The following SLIT2 variants were observed in gnomAD, a reference collection of about 807,000 sequenced individuals.
The protein encoded by SLIT2 is slit guidance ligand 2.
In SLIT2, 41 loss-of-function variants were observed where a neutral mutation model predicts 185.7. The ratio of observed to expected loss-of-function variants is 0.22; its 90% CI spans 0.17 to 0.29. SLIT2 has a LOEUF of 0.29. Among genes scored for constraint, SLIT2 ranks in the 10% least tolerant of loss-of-function variants. SLIT2 has a pLI of 1.00. For missense variants in SLIT2, 1,571 were observed against 1,909.0 expected (o/e 0.82, Z 3.30); for synonymous variants, 693 against 680.2 (o/e 1.02, Z -0.29).
At position 20,254,571 on chromosome 4, in the gene SLIT2, G is replaced by A. The variant is rs1291483105; in HGVS notation, c.179+577G>A. ...GCGGGGAGAAGGGTGCCCCAGGACG[G>A]CGACACCTCGCATAGTAGCCTCGCG... On this transcript the variant is annotated intron_variant, in intron 1 of 36. Transcript: ENST00000504154. This position sits in a 1 kb window ranked among gnomAD's most constrained non-coding sequence, Gnocchi z 5.1. Among the ~76,000 whole-genome samples, 1 of 152,154 alleles carries A rather than the reference G, an allele frequency of 6.6e-6. No individual in the cohort carries two copies. The highest frequency in any genetic ancestry group is 1.5e-5 in the Non-Finnish European group (1 of 68,038).
At position 20,587,007 on chromosome 4, in the gene SLIT2, C is replaced by T. The variant is rs185546587; in HGVS notation, c.3089-2637C>T. On this transcript the variant is annotated intron_variant, in intron 29 of 36. Coordinates refer to ENST00000504154, the MANE Select transcript of SLIT2 (RefSeq NM_004787.4). The stretch of plus-strand genomic sequence containing the variant: ...TAATATTTGTTAGCATTATAATGTT[C>T]GGTGATAATAAAGAAAATCAAATCT... 3.4e-3 allele frequency among the ~76,000 whole-genome samples: 513 copies of T among 151,478 alleles called. 1 individual carries two copies. Among genetic ancestry groups the T allele is most frequent in the Middle Eastern group, 0.01 (3 of 288 alleles).
intron 19 of SLIT2, among the ~76,000 whole-genome samples, chr4:20,540,343 A>G (rs1722698102): frequency 1.3e-5 from 2 of 152,146 alleles, no homozygotes; most frequent in East Asian, 3.9e-4. Context: ...TAGGATGACC[A>G]GATCAAAAAT....
At chr4:20,567,678 A>C (rs1239236763) in intron 28 of SLIT2, 63 bp downstream of exon 28, 1 of 1,265,576 alleles carries the variant, frequency 7.9e-7, no homozygotes, top group African/African-American at 1.5e-5. Context: ...CTAAGCCAAC[A>C]TACATTTTCC....
At chr4:20,532,189 T>C (rs779161528) in intron 17 of SLIT2, 131 bp downstream of exon 17, 5 of 586,344 alleles carry the variant, frequency 8.5e-6, no homozygotes, top group African/African-American at 7.7e-5. Context: ...ACCTGTAACA[T>C]GAATTTAGGG....
chr4:20,315,501 G>A (rs1718495919), intron 4 of SLIT2, among the ~76,000 whole-genome samples: 1 of 152,060 alleles, frequency 6.6e-6, no homozygotes, highest in South Asian at 2.1e-4. Flanking sequence ...TATGAACATA[G>A]AGAAAGAAGG....
intron 9 of SLIT2, among the ~76,000 whole-genome samples, chr4:20,501,254 A>G (rs10027768): frequency 0.013 from 1,996 of 152,230 alleles, 47 homozygotes; most frequent in African/African-American, 0.045. Flanking sequence ...GTGTTCTACA[A>G]TGTGTTTCCA....
chr4:20,604,183 A>G (rs1274092044), intron 33 of SLIT2, among the ~76,000 whole-genome samples: 1 of 152,170 alleles, frequency 6.6e-6, no homozygotes, highest in South Asian at 2.1e-4. Context: ...CCCAAGTGGG[A>G]ATTTTATAGC....
chr4:20,516,008 G>C (rs1267657742), intron 11 of SLIT2, among the ~76,000 whole-genome samples: 1 of 152,156 alleles, frequency 6.6e-6, no homozygotes, highest in Non-Finnish European at 1.5e-5. Context: ...GTAGAGACAG[G>C]GTTTCACTGC....
chr4:20,254,851 C>T lies in SLIT2; in HGVS notation c.179+857C>T, dbSNP rs1335373955. ...TTCTGGCAGTTTCTGCGCCCCTTCA[C>T]GTGGCAGCAGTTCCCCTGCCTTCCC... On this transcript the variant is annotated intron_variant, in intron 1 of 36. Transcript: ENST00000504154. The surrounding 1 kb of genome is among the most constrained non-coding windows in gnomAD (Gnocchi z 5.1). The T allele has an allele frequency of 4.5e-6, 2 of 446,148 alleles. No homozygotes were observed. The highest frequency in any genetic ancestry group is 9.0e-6 in the Non-Finnish European group (2 of 221,628). The allele number at this position is 446,148 out of a possible 1,614,324, so 27.6% of individuals were successfully genotyped here.
chr4:20,607,808 A>G (rs1166147349), intron 33 of SLIT2, among the ~76,000 whole-genome samples: 2 of 152,096 alleles, frequency 1.3e-5, no homozygotes, highest in African/African-American at 4.8e-5. Flanking sequence ...CATTATTAAG[A>G]TTTATTAAGG....
chr4:20,418,785 A>G (rs1280844286), intron 4 of SLIT2, among the ~76,000 whole-genome samples: 1 of 152,164 alleles, frequency 6.6e-6, no homozygotes, highest in Non-Finnish European at 1.5e-5. Context: ...GCTCGGGTAA[A>G]TAGTAGGAAA....
intron 9 of SLIT2, among the ~76,000 whole-genome samples, chr4:20,509,047 C>T (rs925127297): frequency 2.0e-5 from 3 of 150,908 alleles, no homozygotes; most frequent in East Asian, 1.9e-4. Context: ...TGTGTGTATG[C>T]GTTAAAGTAT....
intron 26 of SLIT2, among the ~76,000 whole-genome samples, chr4:20,558,589 C>T (rs947167159): frequency 3.9e-5 from 6 of 152,008 alleles, no homozygotes; most frequent in African/African-American, 1.5e-4. Context: ...TTGCGGTAGT[C>T]TGGAACCAAA....
intron 4 of SLIT2, among the ~76,000 whole-genome samples, chr4:20,466,504 G>A (rs1357357201): frequency 6.6e-6 from 1 of 151,094 alleles, no homozygotes; most frequent in Non-Finnish European, 1.5e-5. Context: ...TTTACGAATT[G>A]CTTAGCAAAA....
chr4:20,341,005 C>A (rs1222413154), intron 4 of SLIT2, among the ~76,000 whole-genome samples: 1 of 152,054 alleles, frequency 6.6e-6, no homozygotes, highest in Non-Finnish European at 1.5e-5. Context: ...AAATAGATAG[C>A]TAGATAAGCC....
In SLIT2 at chr4:20,373,522, T is replaced by G. The variant is rs77035373; in HGVS notation, c.396-94230T>G. Among the ~76,000 whole-genome samples, 136 of 148,754 alleles carry G rather than the reference T, an allele frequency of 9.1e-4. 1 individual carries two copies. The highest frequency in any genetic ancestry group is 7.0e-3 in the East Asian group (32 of 4,556). On this transcript the variant is annotated intron_variant, in intron 4 of 36. Transcript: ENST00000504154. ...TAAAATTTTATCTATCCTGTAATAT[T>G]AAATATATATAAATTACACACAGTA...
At chr4:20,546,146 A>G (rs1723231849) in intron 22 of SLIT2, 47 bp downstream of exon 22, 1 of 1,053,302 alleles carries the variant, frequency 9.5e-7, no homozygotes, top group Non-Finnish European at 1.4e-6. Flanking sequence ...ATTTCCAGAA[A>G]ATGGGGATGG....
intron 19 of SLIT2, 60 bp downstream of exon 19, chr4:20,539,644 A>G (rs1722624070): frequency 9.1e-7 from 1 of 1,094,444 alleles, no homozygotes; most frequent in Non-Finnish European, 1.3e-6. Flanking sequence ...TTGTTAATGT[A>G]TTTAATATAT....
intron 4 of SLIT2, among the ~76,000 whole-genome samples, chr4:20,279,154 C>CT (rs1714479816): frequency 6.6e-6 from 1 of 152,156 alleles, no homozygotes; most frequent in Admixed American, 6.5e-5. Flanking sequence ...GACAGTTACT[C>CT]TAAGTCATTT....
Sources: allele counts gnomAD v4.1 joint callset (sites outside exome capture counted in the v4.1 genomes callset), GRCh38; gene constraint gnomAD v4.1.1; non-coding constraint Gnocchi (gnomAD v3.1); transcripts MANE v1.5; gene names NCBI Gene and HGNC (gene_info 2026-07-23, HGNC 2026-07-21).